CCDC144A: variants seen among roughly 807,000 people sequenced by gnomAD.
CCDC144A encodes coiled-coil domain containing 144A.
In CCDC144A, 41 loss-of-function variants were observed where a neutral mutation model predicts 143.8. The observed-to-expected ratio is 0.29, with a 90% CI of 0.22 to 0.37. CCDC144A has a LOEUF of 0.37. Among genes scored for constraint, CCDC144A ranks in the 10% least tolerant of loss-of-function variants. The probability of loss-of-function intolerance (pLI) is 1.00; values close to 1 mark genes in which losing one functional copy is unlikely to be tolerated. For synonymous variants in CCDC144A, 242 were observed against 517.9 expected (o/e 0.47, Z 7.23); for missense variants, 637 against 1,488.8 (o/e 0.43, Z 9.41).
At position 16,703,727 on chromosome 17, in the gene CCDC144A, C is replaced by T. The variant is rs530474950; in HGVS notation, c.416-1424C>T. On this transcript the variant is annotated intron_variant, in intron 2 of 16. Transcript: ENST00000399273. ...GCTGAGGCAGAGAATGGCGTGAACCCGGCAGGTGGAGCTTGCAGTGAGCCG... is the reference window on the plus strand; with the variant it reads ...GCTGAGGCAGAGAATGGCGTGAACCTGGCAGGTGGAGCTTGCAGTGAGCCG... Among the ~76,000 whole-genome samples, 621 of 152,118 alleles carry T rather than the reference C, an allele frequency of 4.1e-3. 3 individuals carry two copies. Among genetic ancestry groups the T allele is most frequent in the Middle Eastern group, 0.02 (6 of 294 alleles).
chr17:16,736,954 T>C (rs938785015), intron 12 of CCDC144A, among the ~76,000 whole-genome samples: 16 of 152,232 alleles, frequency 1.1e-4, no homozygotes, highest in African/African-American at 3.6e-4. Context: ...CTTCAGTAGG[T>C]TGTTAAGCAC....
chr17:16,763,259 A>G (rs1378168374), intron 14 of CCDC144A, among the ~76,000 whole-genome samples: 2 of 152,002 alleles, frequency 1.3e-5, no homozygotes, highest in Non-Finnish European at 2.9e-5. Context: ...ATTGTCCTCG[A>G]TGCTGCTTTA....
intron 8 of CCDC144A, among the ~76,000 whole-genome samples, chr17:16,723,682 C>T (rs1474303356): frequency 6.6e-6 from 1 of 151,982 alleles, no homozygotes; most frequent in African/African-American, 2.4e-5. Context: ...GTGAATGAGC[C>T]CTCTGGGGTC....
intron 12 of CCDC144A, chr17:16,737,529 C>G (rs1203064695): frequency 8.0e-7 from 1 of 1,254,854 alleles, no homozygotes; most frequent in Non-Finnish European, 1.0e-6. Context: ...ACAAAAAATA[C>G]CTTCACAGGT....
At chr17:16,738,799 GTA>G (rs1914135831) in intron 12 of CCDC144A, among the ~76,000 whole-genome samples, 2 of 152,008 alleles carry the variant, frequency 1.3e-5, no homozygotes, top group Admixed American at 1.3e-4. Flanking sequence ...TTTCTCTTGG[GTA>G]TATACATATG....
intron 15 of CCDC144A, among the ~76,000 whole-genome samples, chr17:16,770,074 A>G (rs1445850715): frequency 1.3e-5 from 2 of 151,428 alleles, no homozygotes; most frequent in Admixed American, 6.6e-5. Context: ...GATCCACCCA[A>G]TTCAGCCTCC....
At chr17:16,747,324 A>G (rs1486184366) in intron 12 of CCDC144A, among the ~76,000 whole-genome samples, 1 of 152,104 alleles carries the variant, frequency 6.6e-6, no homozygotes, top group Non-Finnish European at 1.5e-5. Context: ...TGTTTACTGT[A>G]GTATAGTTTG....
chr17:16,714,472 A>G (rs1161888593), intron 6 of CCDC144A, among the ~76,000 whole-genome samples: 1 of 152,126 alleles, frequency 6.6e-6, no homozygotes, highest in Non-Finnish European at 1.5e-5. Flanking sequence ...CTCTGCTAGA[A>G]ACTAAGGTGT....
chr17:16,680,878 AC>A, the CCDC144A span, among the ~76,000 whole-genome samples: 1 of 152,114 alleles, frequency 6.6e-6, no homozygotes, highest in South Asian at 2.1e-4. Context: ...TGGTATGAAA[AC>A]CCCACAAAGA....
intron 1 of CCDC144A, 142 bp downstream of exon 1, chr17:16,690,886 G>A (rs1389991717): frequency 1.5e-5 from 10 of 678,548 alleles, no homozygotes; most frequent in Non-Finnish European, 2.5e-5. Flanking sequence ...AAATATAAAG[G>A]ATTATTACTA....
chr17:16,746,903 C>T (rs1453371799), intron 12 of CCDC144A: 1 of 627,560 alleles, frequency 1.6e-6, no homozygotes, highest in Non-Finnish European at 2.8e-6. Context: ...TCCCTCCCCT[C>T]CCTCCCCTCT....
chr17:16,710,828 T>C (rs1402287605), intron 5 of CCDC144A, among the ~76,000 whole-genome samples: 2 of 152,240 alleles, frequency 1.3e-5, no homozygotes, highest in African/African-American at 2.4e-5. Flanking sequence ...TCTGATTCAG[T>C]ATTATGGAAT....
the CCDC144A span, among the ~76,000 whole-genome samples, chr17:16,667,382 G>A: frequency 1.3e-5 from 2 of 151,418 alleles, no homozygotes; most frequent in African/African-American, 2.4e-5. Flanking sequence ...GGCTGAGGCT[G>A]GTGAGGGGCT....
At chr17:16,753,471 A>G (rs1006251110) in intron 12 of CCDC144A, among the ~76,000 whole-genome samples, 1 of 109,002 alleles carries the variant, frequency 9.2e-6, no homozygotes, top group African/African-American at 4.2e-5. Context: ...AGCTCTTTAC[A>G]AAATCTCTCT....
chr17:16,683,493 C>T, the CCDC144A span: 3 of 1,471,644 alleles, frequency 2.0e-6, no homozygotes, highest in Admixed American at 3.4e-5. Flanking sequence ...GCCCTGCCGC[C>T]GCTCTCGCGG....
intron 6 of CCDC144A, among the ~76,000 whole-genome samples, chr17:16,713,790 A>T (rs1363707105): frequency 2.0e-5 from 3 of 152,234 alleles, no homozygotes; most frequent in African/African-American, 7.2e-5. Flanking sequence ...ATATAGTTAT[A>T]TAAGAATTGA....
intron 2 of CCDC144A, among the ~76,000 whole-genome samples, chr17:16,698,218 G>A (rs1911529913): frequency 6.6e-6 from 1 of 152,142 alleles, no homozygotes; most frequent in Admixed American, 6.6e-5. Flanking sequence ...GAGGAATTAG[G>A]AAAGAAGCCT....
At chr17:16,685,088 A>G (rs1382215277), upstream of CCDC144A, among the ~76,000 whole-genome samples, 2 of 152,204 alleles carry the variant, frequency 1.3e-5, no homozygotes, top group East Asian at 3.8e-4. Flanking sequence ...ACCCCAGGCT[A>G]TGGCGTGATC....
chr17:16,669,642 C>T, the CCDC144A span, among the ~76,000 whole-genome samples: 20 of 152,158 alleles, frequency 1.3e-4, no homozygotes, highest in Non-Finnish European at 2.6e-4. Context: ...GTGTGACTAA[C>T]CAAATTTTTA....
Sources: allele counts gnomAD v4.1 joint callset (sites outside exome capture counted in the v4.1 genomes callset), GRCh38; gene constraint gnomAD v4.1.1; transcripts MANE v1.5; gene names NCBI Gene and HGNC (gene_info 2026-07-23, HGNC 2026-07-21).